The following BBS9 variants were observed in gnomAD, a reference collection of about 807,000 sequenced individuals.
The protein encoded by BBS9 is protein PTHB1.
Under a neutral mutation model 117.7 loss-of-function variants are expected in BBS9, and 89 were observed. That is an observed-to-expected ratio of 0.76 (90% CI 0.64 to 0.90). BBS9 has a LOEUF of 0.90. Ranked by LOEUF, BBS9 falls within the 40% of genes least tolerant of loss-of-function variation. The pLI, the probability that BBS9 is intolerant of heterozygous loss-of-function variation, is 0.00. For synonymous variants in BBS9, 379 were observed against 370.9 expected (o/e 1.02, Z -0.25); for missense variants, 982 against 1,042.2 (o/e 0.94, Z 0.80).
intron 19 of BBS9, among the ~76,000 whole-genome samples, chr7:33,389,362 A>G (rs757478143): frequency 2.0e-5 from 3 of 152,056 alleles, no homozygotes; most frequent in African/African-American, 7.3e-5. Context: ...ATAGCTTACT[A>G]TGTTTTTGCT....
At chr7:33,586,702 AC>A (rs1166075209) in intron 21 of BBS9, among the ~76,000 whole-genome samples, 1 of 152,140 alleles carries the variant, frequency 6.6e-6, no homozygotes, top group Admixed American at 6.6e-5. Flanking sequence ...ACCATGGAGT[AC>A]TATGTAGCCA....
intron 4 of BBS9, among the ~76,000 whole-genome samples, chr7:33,158,850 G>A (rs1235178549): frequency 6.6e-6 from 1 of 152,142 alleles, no homozygotes; most frequent in East Asian, 1.9e-4. Context: ...GCAGTCTCTT[G>A]AGCCAGAGTA....
chr7:33,590,459 GTT>G (rs71554107), intron 21 of BBS9, among the ~76,000 whole-genome samples: 6 of 101,500 alleles, frequency 5.9e-5, no homozygotes, highest in Admixed American at 2.1e-4. Context: ...TTGTTTTTTT[GTT>G]TTTTTTTTTT....
At chr7:33,261,448 A>G (rs1797968210) in intron 6 of BBS9, among the ~76,000 whole-genome samples, 1 of 152,196 alleles carries the variant, frequency 6.6e-6, no homozygotes, top group Non-Finnish European at 1.5e-5. Context: ...TTTCAATGAA[A>G]AGGATTCTCC....
chr7:33,487,831 T>G (rs1258122541), intron 19 of BBS9, among the ~76,000 whole-genome samples: 1 of 152,206 alleles, frequency 6.6e-6, no homozygotes, highest in Non-Finnish European at 1.5e-5. Context: ...TTGAGGCTCA[T>G]AGCTCTCTTT....
intron 9 of BBS9, among the ~76,000 whole-genome samples, chr7:33,330,114 A>G (rs879289732): frequency 1.3e-4 from 20 of 152,016 alleles, no homozygotes; most frequent in Admixed American, 5.9e-4. Context: ...CTCCAGTTCA[A>G]GTAATTCTCC....
chr7:33,351,296 G>A lies in BBS9; in HGVS notation c.1510G>A (p.Ala504Thr). ...SYTPSELEGN[A>T]VVSYSRPTDR... ...TACACCATCAGAATTGGAAGGAAATGCTGTTGTTTCTTATTCCAGACCAAC... is the reference window on the plus strand; with the variant it reads ...TACACCATCAGAATTGGAAGGAAATACTGTTGTTTCTTATTCCAGACCAAC... The change falls in exon 14 of 23, where the codon GCT becomes ACT. Residue 504 changes from alanine (A) to threonine (T), a missense_variant. Ala to Thr is a moderately conservative substitution (Grantham distance 58, BLOSUM62 0). Transcript: ENST00000242067. 2.5e-6 allele frequency: 4 copies of A among 1,612,454 alleles called. No homozygotes were observed.
chr7:33,228,583 A>G (rs1030631022), intron 5 of BBS9, among the ~76,000 whole-genome samples: 2 of 152,144 alleles, frequency 1.3e-5, no homozygotes, highest in African/African-American at 2.4e-5. Flanking sequence ...ATTAACTATT[A>G]TTAGCCTACT....
chr7:33,151,628 C>T (rs1793336525), intron 2 of BBS9, among the ~76,000 whole-genome samples: 1 of 152,030 alleles, frequency 6.6e-6, no homozygotes, highest in Non-Finnish European at 1.5e-5. Context: ...CGGCTCAATG[C>T]AGCCTCCACT....
At chr7:33,191,362 A>G (rs1255000434) in intron 5 of BBS9, among the ~76,000 whole-genome samples, 1 of 152,236 alleles carries the variant, frequency 6.6e-6, no homozygotes, top group African/African-American at 2.4e-5. Context: ...AGTAAACAAC[A>G]TGGGGTCAAT....
At chr7:33,409,546 G>T (rs1349465206) in intron 19 of BBS9, among the ~76,000 whole-genome samples, 1 of 152,092 alleles carries the variant, frequency 6.6e-6, no homozygotes, top group Non-Finnish European at 1.5e-5. Context: ...CTGCTGTTTT[G>T]GTTACTGTAG....
At chr7:33,289,868 C>T (rs1440387015) in intron 9 of BBS9, among the ~76,000 whole-genome samples, 2 of 151,936 alleles carry the variant, frequency 1.3e-5, no homozygotes, top group East Asian at 3.9e-4. Flanking sequence ...ATGATGAAAC[C>T]CTGTCTCTAC....
At chr7:33,164,025 G>A (rs763704247) in intron 4 of BBS9, among the ~76,000 whole-genome samples, 8 of 152,132 alleles carry the variant, frequency 5.3e-5, no homozygotes, top group Non-Finnish European at 7.3e-5. Flanking sequence ...ATTTTGGTAC[G>A]TTGTGTCTTT....
intron 20 of BBS9, among the ~76,000 whole-genome samples, chr7:33,515,341 A>G (rs1037253606): frequency 2.6e-5 from 4 of 151,692 alleles, no homozygotes; most frequent in Non-Finnish European, 5.9e-5. Context: ...AATCATGGCA[A>G]GTCATTAAAC....
intron 1 of BBS9, among the ~76,000 whole-genome samples, chr7:33,141,124 T>G (rs144374004): frequency 6.6e-6 from 1 of 152,286 alleles, no homozygotes; most frequent in Non-Finnish European, 1.5e-5. Context: ...TGCTGTGTCT[T>G]GATCAAAGCT....
intron 21 of BBS9, among the ~76,000 whole-genome samples, chr7:33,568,782 G>A (rs566913415): frequency 1.3e-5 from 2 of 152,316 alleles, no homozygotes; most frequent in African/African-American, 4.8e-5. Flanking sequence ...TTCCCTTCGG[G>A]TAAGAAGGAA....
chr7:33,453,975 G>A (rs1381057703), intron 19 of BBS9, among the ~76,000 whole-genome samples: 1 of 152,170 alleles, frequency 6.6e-6, no homozygotes, highest in African/African-American at 2.4e-5. Context: ...GTTGTATATG[G>A]ATTTCTGACT....
intron 17 of BBS9, among the ~76,000 whole-genome samples, chr7:33,370,529 T>C (rs959625509): frequency 6.6e-6 from 1 of 152,188 alleles, no homozygotes; most frequent in Non-Finnish European, 1.5e-5. Flanking sequence ...CTGAAAACTG[T>C]TATCACAGTC....
At chr7:33,509,525 T>A (rs1846614962) in intron 20 of BBS9, among the ~76,000 whole-genome samples, 1 of 152,086 alleles carries the variant, frequency 6.6e-6, no homozygotes, top group Non-Finnish European at 1.5e-5. Flanking sequence ...ATTTAGATGG[T>A]TTGGTTGAGG....
Sources: gnomAD v4.1 joint callset for allele counts (sites outside exome capture counted in the v4.1 genomes callset) on GRCh38, gnomAD v4.1.1 for gene constraint, MANE v1.5 for transcripts, NCBI Gene and HGNC (gene_info 2026-07-23, HGNC 2026-07-21) for gene names.